Variants in NRXN1 observed in about 807,000 individuals in gnomAD.
The protein encoded by NRXN1 is neurexin 1, also known as neurexin-1.
Under a neutral mutation model 150.9 loss-of-function variants are expected in NRXN1, and 39 were observed. The ratio of observed to expected loss-of-function variants is 0.26; its 90% confidence interval spans 0.20 to 0.34. The LOEUF (loss-of-function observed/expected upper bound fraction) is 0.34, where lower values mean the gene tolerates loss of function less well. NRXN1 is among the 10% of genes least tolerant of loss of function. The pLI, the probability that NRXN1 is intolerant of heterozygous loss-of-function variation, is 1.00. For missense variants in NRXN1, 1,815 were observed against 1,949.9 expected (o/e 0.93, Z 1.30); for synonymous variants, 924 against 757.0 (o/e 1.22, Z -3.62).
intron 2 of NRXN1, among the ~76,000 whole-genome samples, chr2:50,969,903 C>T (rs1694742417): frequency 6.6e-6 from 1 of 152,118 alleles, no homozygotes. Context: ...AAATTGTCCA[C>T]TTTTATGCTT....
At chr2:50,209,201 T>C (rs2062832901) in intron 18 of NRXN1, among the ~76,000 whole-genome samples, 1 of 152,118 alleles carries the variant, frequency 6.6e-6, no homozygotes, top group African/African-American at 2.4e-5. Context: ...TTGCAAAAAG[T>C]CTAGTGAAGT....
chr2:50,130,402 A>G (rs979234842), intron 18 of NRXN1, among the ~76,000 whole-genome samples: 13 of 152,152 alleles, frequency 8.5e-5, no homozygotes, highest in African/African-American at 2.4e-4. Context: ...GTAGCCCATA[A>G]AAAACAGAAC....
chr2:49,995,780 C>CAA (rs1163315598), intron 21 of NRXN1, among the ~76,000 whole-genome samples: 13,615 of 36,152 alleles, frequency 0.38, 3,400 homozygotes, highest in Non-Finnish European at 0.49. Flanking sequence ...GACTCCGTCT[C>CAA]AAAAAAAAAA....
At chr2:50,971,861 A>G (rs985601322) in intron 2 of NRXN1, among the ~76,000 whole-genome samples, 1 of 152,056 alleles carries the variant, frequency 6.6e-6, no homozygotes, top group Non-Finnish European at 1.5e-5. Flanking sequence ...TTCCTCTCTC[A>G]TTTACCTTTA....
At chr2:50,574,724 T>A (rs75596146) in intron 8 of NRXN1, among the ~76,000 whole-genome samples, 1 of 152,214 alleles carries the variant, frequency 6.6e-6, no homozygotes, top group Non-Finnish European at 1.5e-5. Context: ...AGGATTTGCA[T>A]TGACAACACC....
At chr2:50,906,740 T>C (rs1202053472) in intron 5 of NRXN1, among the ~76,000 whole-genome samples, 2 of 152,096 alleles carry the variant, frequency 1.3e-5, no homozygotes, top group African/African-American at 4.8e-5. Context: ...CATACTTACA[T>C]TATGCTTCTG....
chr2:50,794,856 C>G (rs1706578340), intron 5 of NRXN1, among the ~76,000 whole-genome samples: 1 of 151,980 alleles, frequency 6.6e-6, no homozygotes, highest in Non-Finnish European at 1.5e-5. Flanking sequence ...TTTTCATAGT[C>G]AATATTATGG....
intron 18 of NRXN1, among the ~76,000 whole-genome samples, chr2:50,194,503 T>A (rs1422661029): frequency 6.6e-6 from 1 of 152,120 alleles, no homozygotes; most frequent in African/African-American, 2.4e-5. Context: ...TAAAGTTCTT[T>A]ACCCCCCCGA....
At chr2:50,339,334 C>G (rs1230436238) in intron 17 of NRXN1, among the ~76,000 whole-genome samples, 1 of 150,192 alleles carries the variant, frequency 6.7e-6, no homozygotes, top group Non-Finnish European at 1.5e-5. Context: ...AAGTTCACAA[C>G]CTTGGTTTAA....
chr2:50,211,916 T>A (rs2152844736), intron 18 of NRXN1, among the ~76,000 whole-genome samples: 1 of 151,734 alleles, frequency 6.6e-6, no homozygotes, highest in East Asian at 1.9e-4. Context: ...ATTTCAGGAA[T>A]ATGCTGTAAT....
At chr2:50,559,694 T>C (rs1335700532) in intron 8 of NRXN1, among the ~76,000 whole-genome samples, 1 of 152,206 alleles carries the variant, frequency 6.6e-6, no homozygotes, top group African/African-American at 2.4e-5. Flanking sequence ...GATATCCATA[T>C]AAATATGCAC....
intron 5 of NRXN1, among the ~76,000 whole-genome samples, chr2:50,907,186 C>CAA (rs200119250): frequency 7.8e-5 from 11 of 141,014 alleles, no homozygotes; most frequent in African/African-American, 2.6e-4. Flanking sequence ...ACCAAAAAAC[C>CAA]AAAAAAAAAA....
intron 8 of NRXN1, among the ~76,000 whole-genome samples, chr2:50,602,395 C>CT (rs5831140): frequency 0.25 from 37,281 of 149,102 alleles, 4,950 homozygotes; most frequent in East Asian, 0.52. Flanking sequence ...GTTCATTTTT[C>CT]TTTTTTTTTT....
intron 18 of NRXN1, among the ~76,000 whole-genome samples, chr2:50,198,051 C>T (rs1379993816): frequency 6.6e-6 from 1 of 152,116 alleles, no homozygotes; most frequent in Non-Finnish European, 1.5e-5. Context: ...AATTGACTAC[C>T]TTCCCTATGC....
At chr2:50,276,991 T>C (rs2070565708) in intron 17 of NRXN1, among the ~76,000 whole-genome samples, 1 of 152,150 alleles carries the variant, frequency 6.6e-6, no homozygotes, top group African/African-American at 2.4e-5. Context: ...GGATTTGATA[T>C]TTACCTGTAT....
chr2:50,403,525 C>T (rs2082536118), intron 17 of NRXN1, among the ~76,000 whole-genome samples: 1 of 152,016 alleles, frequency 6.6e-6, no homozygotes, highest in Non-Finnish European at 1.5e-5. Flanking sequence ...TACATATGTA[C>T]AGAATAGTAT....
chr2:50,643,934 G>A (rs1169807595), intron 5 of NRXN1, among the ~76,000 whole-genome samples: 1 of 151,794 alleles, frequency 6.6e-6, no homozygotes, highest in Non-Finnish European at 1.5e-5. Context: ...CCCAAATTGA[G>A]ACTGTGAATT....
chr2:50,320,283 C>CTTATATATATATAT (rs1178411507), intron 17 of NRXN1, among the ~76,000 whole-genome samples: 2 of 43,056 alleles, frequency 4.6e-5, no homozygotes, highest in Admixed American at 3.8e-4. Flanking sequence ...ATACCTCAAT[C>CTTATATATATATAT]ATATATATAT....
intron 5 of NRXN1, among the ~76,000 whole-genome samples, chr2:50,690,503 T>G (rs1463601032): frequency 1.3e-5 from 2 of 152,092 alleles, no homozygotes; most frequent in Non-Finnish European, 2.9e-5. Context: ...TGAGATTTGG[T>G]TGGTGGGAAT....
Sources: gnomAD v4.1 joint callset for allele counts (sites outside exome capture counted in the v4.1 genomes callset) on GRCh38, gnomAD v4.1.1 for gene constraint, MANE v1.5 for transcripts, NCBI Gene and HGNC (gene_info 2026-07-23, HGNC 2026-07-21) for gene names.